The following EXOC4 variants were observed in gnomAD, a reference collection of about 807,000 sequenced individuals.
EXOC4 encodes the protein SEC8-like 1.
In EXOC4, 71 loss-of-function variants were observed where a neutral mutation model predicts 107.2. The ratio of observed to expected loss-of-function variants is 0.66; its 90% CI spans 0.55 to 0.81. The LOEUF (loss-of-function observed/expected upper bound fraction) is 0.81. EXOC4 is among the 30% of genes least tolerant of loss of function. The pLI, the probability that EXOC4 is intolerant of heterozygous loss-of-function variation, is 0.00. For missense variants in EXOC4, 1,108 were observed against 1,189.6 expected (o/e 0.93, Z 1.01); for synonymous variants, 456 against 441.2 (o/e 1.03, Z -0.42).
At chr7:133,498,020 T>G (rs1358926391) in intron 9 of EXOC4, among the ~76,000 whole-genome samples, 1 of 152,148 alleles carries the variant, frequency 6.6e-6, no homozygotes, top group Non-Finnish European at 1.5e-5. Flanking sequence ...GATAGCCCCC[T>G]GAGGAAAGCA....
At chr7:133,990,602 C>T (rs764090379) in intron 14 of EXOC4, among the ~76,000 whole-genome samples, 11 of 151,964 alleles carry the variant, frequency 7.2e-5, no homozygotes, top group East Asian at 5.8e-4. Flanking sequence ...ATTACAGGCA[C>T]GTGCCACCAT....
chr7:134,079,810 A>G, the EXOC4 span, among the ~76,000 whole-genome samples: 4 of 152,240 alleles, frequency 2.6e-5, no homozygotes, highest in Non-Finnish European at 5.9e-5. Flanking sequence ...ACTTCAATGC[A>G]AATTTGCAAG....
intron 2 of EXOC4, among the ~76,000 whole-genome samples, chr7:133,281,284 A>G (rs1794130318): frequency 7.0e-6 from 1 of 142,550 alleles, no homozygotes; most frequent in East Asian, 2.0e-4. Context: ...AAAGTGTAAT[A>G]ATAAAAAATA....
intron 10 of EXOC4, among the ~76,000 whole-genome samples, chr7:133,660,495 T>C (rs934905669): frequency 6.6e-6 from 1 of 152,160 alleles, no homozygotes; most frequent in African/African-American, 2.4e-5. Flanking sequence ...GAAGACTTCT[T>C]GATAACAGGA....
chr7:133,761,280 CTTGGA>C (rs1455043791), intron 10 of EXOC4, among the ~76,000 whole-genome samples: 3 of 152,118 alleles, frequency 2.0e-5, no homozygotes, highest in Non-Finnish European at 4.4e-5. Flanking sequence ...ATTCAATTAG[CTTGGA>C]TAACACTATT....
chr7:134,079,860 A>G, the EXOC4 span, among the ~76,000 whole-genome samples: 4 of 152,194 alleles, frequency 2.6e-5, no homozygotes, highest in Non-Finnish European at 5.9e-5. Flanking sequence ...TCAGAGCACA[A>G]GGATGCTAAG....
At chr7:133,641,663 C>T (rs1423534015) in intron 10 of EXOC4, among the ~76,000 whole-genome samples, 5 of 152,196 alleles carry the variant, frequency 3.3e-5, no homozygotes, top group Non-Finnish European at 7.3e-5. Flanking sequence ...GTCCAGTGTG[C>T]TGAAGGTGCT....
intron 10 of EXOC4, among the ~76,000 whole-genome samples, chr7:133,743,521 C>T (rs1562979267): frequency 6.6e-6 from 1 of 152,260 alleles, no homozygotes; most frequent in East Asian, 1.9e-4. Context: ...CAGTAGCCCA[C>T]TCAAAAGCAC....
intron 11 of EXOC4, 71 bp downstream of exon 11, chr7:133,817,615 A>C: frequency 8.8e-7 from 1 of 1,141,798 alleles, no homozygotes; most frequent in Non-Finnish European, 1.3e-6. Context: ...CATAAATTTA[A>C]AAAAGAAGAA....
intron 7 of EXOC4, among the ~76,000 whole-genome samples, chr7:133,394,319 T>G (rs1796922827): frequency 6.6e-6 from 1 of 152,232 alleles, no homozygotes; most frequent in Non-Finnish European, 1.5e-5. Context: ...TTCTTACTCG[T>G]ATTTAAAAAT....
intron 7 of EXOC4, among the ~76,000 whole-genome samples, chr7:133,461,742 C>T (rs1001069194): frequency 2.2e-4 from 33 of 152,160 alleles, no homozygotes; most frequent in Admixed American, 6.5e-4. Flanking sequence ...TAGTTGTACT[C>T]CAAGGAGCTC....
At chr7:133,795,219 C>T in intron 10 of EXOC4, among the ~76,000 whole-genome samples, 1 of 152,120 alleles carries the variant, frequency 6.6e-6, no homozygotes, top group Non-Finnish European at 1.5e-5. Context: ...CTAACCACAA[C>T]CATGAAAATA....
At chr7:134,067,628 T>TACACACACAC (rs1194588418), downstream of EXOC4, among the ~76,000 whole-genome samples, 1 of 43,094 alleles carries the variant, frequency 2.3e-5, no homozygotes, top group African/African-American at 6.0e-5. Flanking sequence ...CCAACTCTTA[T>TACACACACAC]ATATATATAT....
chr7:133,289,671 AGAAGGATGCAATTGGTG>A (rs1185361094), intron 3 of EXOC4, among the ~76,000 whole-genome samples: 2 of 152,222 alleles, frequency 1.3e-5, no homozygotes, highest in Non-Finnish European at 2.9e-5. Context: ...GAAAGTTCCC[AGAAGGATGCAATTGGTG>A]GTTCATGTGG....
chr7:133,426,968 G>T (rs1243769272), intron 7 of EXOC4, among the ~76,000 whole-genome samples: 1 of 152,162 alleles, frequency 6.6e-6, no homozygotes, highest in Non-Finnish European at 1.5e-5. Flanking sequence ...GATTCACATT[G>T]AAAAGATGGC....
rs1368329822 is a variant in EXOC4 at position 133,574,838 on chromosome 7, G to T, written c.1418-55207G>T. Among the ~76,000 whole-genome samples, 6 of 152,302 alleles carry T rather than the reference G, an allele frequency of 3.9e-5. No individual in the cohort carries two copies. In the East Asian group the frequency reaches 9.6e-4, roughly 24 times the overall value. Reference sequence around the variant, plus strand: ...ACCTGCAGAGATGCTATTTGGTGAAGATTTGAAACCTCTTAACGGTTAAGA... The same window carrying T: ...ACCTGCAGAGATGCTATTTGGTGAATATTTGAAACCTCTTAACGGTTAAGA... On this transcript the variant is annotated intron_variant, in intron 9 of 17. Transcript: ENST00000253861.
At chr7:133,430,409 G>A (rs12707090) in intron 7 of EXOC4, among the ~76,000 whole-genome samples, 39,488 of 152,010 alleles carry the variant, frequency 0.26, 5,740 homozygotes, top group South Asian at 0.39. Context: ...CCAGGCTTGC[G>A]GGTGGGGCCT....
At chr7:133,660,701 C>G (rs1554379325) in intron 10 of EXOC4, among the ~76,000 whole-genome samples, 1 of 152,042 alleles carries the variant, frequency 6.6e-6, no homozygotes, top group African/African-American at 2.4e-5. Flanking sequence ...TTTTTTGCCT[C>G]CTATTACTTG....
At chr7:133,504,220 C>T (rs1425741351) in intron 9 of EXOC4, among the ~76,000 whole-genome samples, 1 of 151,928 alleles carries the variant, frequency 6.6e-6, no homozygotes. Flanking sequence ...ATATTAACAT[C>T]ACAGGTAGGC....
Sources: allele counts gnomAD v4.1 joint callset (sites outside exome capture counted in the v4.1 genomes callset), GRCh38; gene constraint gnomAD v4.1.1; transcripts MANE v1.5; gene names NCBI Gene and HGNC (gene_info 2026-07-23, HGNC 2026-07-21).